Variants in SLIT3 observed in about 807,000 individuals in gnomAD.
SLIT3 encodes the protein slit homolog 3 protein.
A neutral mutation model predicts 184.0 loss-of-function variants in SLIT3; 68 were observed. The observed-to-expected ratio is 0.37, with a 90% CI of 0.30 to 0.45. The LOEUF (loss-of-function observed/expected upper bound fraction) is 0.45. Ranked by LOEUF, SLIT3 falls within the 20% of genes least tolerant of loss-of-function variation. The probability of loss-of-function intolerance (pLI) is 1.00; values close to 1 mark genes in which losing one functional copy is unlikely to be tolerated. For synonymous variants in SLIT3, 831 were observed against 828.6 expected (o/e 1.00, Z -0.05); for missense variants, 1,707 against 2,026.0 (o/e 0.84, Z 3.02).
At chr5:169,261,653 C>T (rs1766181563) in intron 1 of SLIT3, among the ~76,000 whole-genome samples, 1 of 152,136 alleles carries the variant, frequency 6.6e-6, no homozygotes, top group African/African-American at 2.4e-5. Context: ...GACAGTAAAA[C>T]AATAGCAAAG....
intron 4 of SLIT3, chr5:169,024,620 A>T (rs1224253893): frequency 2.0e-5 from 3 of 152,146 alleles, no homozygotes; most frequent in Admixed American, 6.5e-5. Context: ...TCAGATTTGG[A>T]CAGGGAGGCG....
intron 4 of SLIT3, among the ~76,000 whole-genome samples, chr5:169,171,812 G>A (rs1294293519): frequency 1.3e-5 from 2 of 152,202 alleles, no homozygotes; most frequent in Admixed American, 6.5e-5. Flanking sequence ...GTGGAGAATG[G>A]GGATGTTGGA....
chr5:168,666,440 A>AGGCG lies in SLIT3; in HGVS notation c.*10_*13dup. On this transcript the variant is annotated 3_prime_UTR_variant, in exon 36 of 36. Transcript: ENST00000519560. ...AGCTGGAGTCCGAGAGGTGGCAGGC[A>AGGCG]GGCGGGCAGGGGCTTAGGAACACGC... is the stretch of plus-strand genomic sequence containing the variant. 6.5e-7 allele frequency: 1 copy of AGGCG among 1,534,972 alleles called. No homozygotes were observed. Among genetic ancestry groups the AGGCG allele is most frequent in the East Asian group, 2.3e-5 (1 of 43,964 alleles).
intron 4 of SLIT3, among the ~76,000 whole-genome samples, chr5:169,158,049 A>T (rs1221562327): frequency 6.6e-6 from 1 of 152,214 alleles, no homozygotes; most frequent in South Asian, 2.1e-4. Flanking sequence ...GATGGGGCTT[A>T]AAAAATACAT....
chr5:169,287,915 G>T (rs573063517), intron 1 of SLIT3, among the ~76,000 whole-genome samples: 1 of 152,258 alleles, frequency 6.6e-6, no homozygotes, highest in South Asian at 2.1e-4. Context: ...CCAAGTGAAG[G>T]TTCTTAGACC....
rs545291911 is a variant in SLIT3, at chr5:168,901,230, G to A, written c.414-17894C>T. On this transcript the variant is annotated intron_variant, in intron 4 of 35. Transcript: ENST00000519560. ...AAAAACAAAATTAGCCAGGCGTGGC[G>A]GCGGGCGCCTGTAGTCCCAGCTACT... 2.1e-3 allele frequency among the ~76,000 whole-genome samples: 317 copies of A among 152,206 alleles called. 3 individuals carry two copies. The highest frequency in any genetic ancestry group is 7.3e-3 in the African/African-American group (303 of 41,522).
intron 4 of SLIT3, among the ~76,000 whole-genome samples, chr5:168,915,015 A>T (rs922496270): frequency 2.0e-5 from 3 of 152,212 alleles, no homozygotes; most frequent in Non-Finnish European, 2.9e-5. Context: ...AGTTCATAAT[A>T]ATACTCTAAA....
At chr5:168,915,074 A>G (rs952724610) in intron 4 of SLIT3, among the ~76,000 whole-genome samples, 2 of 152,190 alleles carry the variant, frequency 1.3e-5, no homozygotes, top group South Asian at 2.1e-4. Flanking sequence ...GCTTTTACCA[A>G]TTCTTTATTC....
intron 4 of SLIT3, among the ~76,000 whole-genome samples, chr5:169,095,229 G>A (rs148455246): frequency 7.9e-5 from 12 of 152,056 alleles, no homozygotes; most frequent in Middle Eastern, 3.4e-3. Flanking sequence ...TGATCATCCC[G>A]GGAAGCACAT....
chr5:168,690,733 G>T (rs1359907544), intron 29 of SLIT3, among the ~76,000 whole-genome samples: 1 of 152,162 alleles, frequency 6.6e-6, no homozygotes, highest in African/African-American at 2.4e-5. Context: ...AGGGGGCATG[G>T]GGCAGATGAG....
At chr5:168,851,507 G>C (rs1214236323) in intron 5 of SLIT3, among the ~76,000 whole-genome samples, 1 of 152,154 alleles carries the variant, frequency 6.6e-6, no homozygotes, top group Non-Finnish European at 1.5e-5. Flanking sequence ...AGTATCATTT[G>C]TTTTCCAGCA....
At chr5:168,797,602 C>T (rs147412138) in intron 9 of SLIT3, among the ~76,000 whole-genome samples, 15 of 152,276 alleles carry the variant, frequency 9.9e-5, no homozygotes, top group African/African-American at 2.2e-4. Context: ...CATGATGTGA[C>T]GCTGGCCCCA....
At chr5:168,824,324 AC>A (rs1441060959) in intron 6 of SLIT3, among the ~76,000 whole-genome samples, 9 of 152,194 alleles carry the variant, frequency 5.9e-5, no homozygotes, top group African/African-American at 2.2e-4. Flanking sequence ...CGGAGCTCCT[AC>A]GGTGCCTGTT....
intron 4 of SLIT3, among the ~76,000 whole-genome samples, chr5:168,894,254 T>A (rs1581186972): frequency 6.6e-6 from 1 of 152,204 alleles, no homozygotes; most frequent in African/African-American, 2.4e-5. Context: ...TATGGGGAGG[T>A]TGGCAATGTA....
intron 5 of SLIT3, among the ~76,000 whole-genome samples, chr5:168,873,623 C>G (rs966768051): frequency 3.3e-5 from 5 of 152,124 alleles, no homozygotes; most frequent in Non-Finnish European, 4.4e-5. Context: ...GCGAGACTTA[C>G]TTTCTCTCTC....
intron 23 of SLIT3, 43 bp from the exon 24 acceptor site, chr5:168,712,397 T>A (rs1762586576): frequency 6.3e-7 from 1 of 1,579,546 alleles, no homozygotes; most frequent in African/African-American, 1.3e-5. Flanking sequence ...ATCCACTAAT[T>A]TGAATTTAGC....
chr5:168,768,277 C>T (rs559540624), intron 14 of SLIT3: 12 of 489,658 alleles, frequency 2.5e-5, no homozygotes, highest in Middle Eastern at 3.2e-4. Flanking sequence ...CAGGAAGCAG[C>T]GTCAGAGAGA....
At chr5:168,784,888 C>CAG (rs1554141363) in intron 12 of SLIT3, among the ~76,000 whole-genome samples, 1 of 152,040 alleles carries the variant, frequency 6.6e-6, no homozygotes, top group African/African-American at 2.4e-5. Flanking sequence ...CACACACACA[C>CAG]GCACACACAC....
At chr5:168,920,939 C>A (rs527382765) in intron 4 of SLIT3, among the ~76,000 whole-genome samples, 1 of 152,142 alleles carries the variant, frequency 6.6e-6, no homozygotes, top group Admixed American at 6.5e-5. Flanking sequence ...TTATATCCTA[C>A]GGGATAACTG....
Sources: allele counts gnomAD v4.1 joint callset (sites outside exome capture counted in the v4.1 genomes callset), GRCh38; gene constraint gnomAD v4.1.1; transcripts MANE v1.5; gene names NCBI Gene and HGNC (gene_info 2026-07-23, HGNC 2026-07-21).